The following TRIP12 variants were observed in gnomAD, a reference collection of about 807,000 sequenced individuals.
TRIP12 encodes E3 ubiquitin-protein ligase TRIP12.
Under a neutral mutation model 244.2 loss-of-function variants are expected in TRIP12, and 25 were observed. The observed-to-expected ratio is 0.10, with a 90% CI of 0.07 to 0.14. TRIP12 has a LOEUF of 0.14. Ranked by LOEUF, TRIP12 falls within the 10% of genes least tolerant of loss-of-function variation. The pLI is 1.00. For synonymous variants in TRIP12, 905 were observed against 873.1 expected (o/e 1.04, Z -0.64); for missense variants, 1,677 against 2,486.4 (o/e 0.67, Z 6.92).
At chr2:229,913,191 T>C (rs1472675424) in intron 1 of TRIP12, among the ~76,000 whole-genome samples, 3 of 152,210 alleles carry the variant, frequency 2.0e-5, no homozygotes, top group African/African-American at 7.2e-5. Context: ...TTATTTAGTA[T>C]AGCCACAAAT....
Position 229,799,432 on chromosome 2 carries a change from T to A in TRIP12, c.3207-49A>T, listed in dbSNP as rs766545172. 2.0e-6 allele frequency: 3 copies of A among 1,521,368 alleles called. No homozygotes were observed. The South Asian group carries it at 3.4e-5, about 17-fold the overall frequency. The allele number at this position is 1,521,368 out of a possible 1,614,324, so 94.2% of individuals were successfully genotyped here. ...AAGTTTAGCAATTACCACTGTTTTA[T>A]ATCTTCACTCACTGAAAAAGCAAAC... On this transcript the variant is annotated intron_variant, in intron 21 of 41. Coordinates refer to ENST00000675903, the MANE Select transcript of TRIP12 (RefSeq NM_001348323.3).
chr2:229,877,443 GA>G lies in TRIP12; in HGVS notation c.98+2538del, dbSNP rs2063811548. Among the ~76,000 whole-genome samples the G allele has an allele frequency of 2.0e-5, 3 of 152,164 alleles. No homozygotes were observed. In the South Asian group the frequency reaches 6.2e-4, roughly 32 times the overall value. Reference sequence around the variant, plus strand: ...TACTACTTGGGAGGCTGAGGCAGGAGAATCACTTGAACCCAGAGGGCAGAGG... The same window carrying G: ...TACTACTTGGGAGGCTGAGGCAGGAGATCACTTGAACCCAGAGGGCAGAGG... On this transcript the variant is annotated intron_variant, in intron 2 of 41. Coordinates refer to ENST00000675903, the MANE Select transcript of TRIP12 (RefSeq NM_001348323.3).
At chr2:229,914,199 T>C (rs1337560652) in intron 1 of TRIP12, among the ~76,000 whole-genome samples, 8 of 151,998 alleles carry the variant, frequency 5.3e-5, no homozygotes, top group Admixed American at 4.6e-4. Flanking sequence ...AGCAAAACTC[T>C]GCCTCAAAAA....
At chr2:229,856,688 GGACT>G (rs1218782614) in intron 4 of TRIP12, among the ~76,000 whole-genome samples, 2 of 152,090 alleles carry the variant, frequency 1.3e-5, no homozygotes, top group African/African-American at 4.8e-5. Context: ...TTACATAGCA[GGACT>G]GACAGACACA....
At chr2:229,872,564 C>T (rs929832161) in intron 2 of TRIP12, among the ~76,000 whole-genome samples, 13 of 149,560 alleles carry the variant, frequency 8.7e-5, no homozygotes, top group Admixed American at 7.3e-4. Context: ...ACTCTGTCTC[C>T]AAAAAAAATA....
At chr2:229,872,104 T>TAAAAAAAAAA (rs34496202) in intron 2 of TRIP12, among the ~76,000 whole-genome samples, 13 of 105,262 alleles carry the variant, frequency 1.2e-4, no homozygotes, top group Admixed American at 2.2e-4. Context: ...ACAGATATTG[T>TAAAAAAAAAA]AAAAAAAAAA....
chr2:229,889,416 A>C (rs1320090596), intron 1 of TRIP12, among the ~76,000 whole-genome samples: 1 of 152,220 alleles, frequency 6.6e-6, no homozygotes, highest in Non-Finnish European at 1.5e-5. Flanking sequence ...TGGCTTGTAT[A>C]ATCCATTAGA....
chr2:229,795,002 AATTT>A, intron 26 of TRIP12, 173 bp downstream of exon 26: 3 of 610,250 alleles, frequency 4.9e-6, no homozygotes, highest in Non-Finnish European at 7.9e-6. Flanking sequence ...CATATGGTAT[AATTT>A]TAAAGATAAG....
chr2:229,779,253 G>A (rs1422076045), intron 34 of TRIP12, among the ~76,000 whole-genome samples: 1 of 151,964 alleles, frequency 6.6e-6, no homozygotes, highest in Non-Finnish European at 1.5e-5. Context: ...GTGCCACTGT[G>A]GCTACATATC....
At chr2:229,780,909 CAA>C (rs887019528) in intron 34 of TRIP12, among the ~76,000 whole-genome samples, 6 of 152,082 alleles carry the variant, frequency 3.9e-5, no homozygotes, top group African/African-American at 1.2e-4. Context: ...GCCTGAGGAA[CAA>C]AAGAGAAGCA....
rs73099278 is a variant in TRIP12, at chr2:229,809,233, T to C, written c.2222-864A>G. ...GAATTTCACAATTAGTGATTAAGAT[T>C]TTTTTTTTAATTACAGTTTTGCAAC... On this transcript the variant is annotated intron_variant, in intron 15 of 41. Coordinates refer to ENST00000675903, the MANE Select transcript of TRIP12 (RefSeq NM_001348323.3). Among the ~76,000 whole-genome samples, 677 of 151,692 alleles carry C rather than the reference T, an allele frequency of 4.5e-3. 6 individuals are homozygous for C. Among genetic ancestry groups the C allele is most frequent in the African/African-American group, 0.016 (656 of 41,438 alleles).
intron 39 of TRIP12, among the ~76,000 whole-genome samples, chr2:229,771,115 TTTGA>T (rs1256790207): frequency 1.3e-5 from 2 of 152,234 alleles, no homozygotes; most frequent in Non-Finnish European, 2.9e-5. Flanking sequence ...AAGGACTAAC[TTTGA>T]TTGTGAAACA....
chr2:229,835,612 T>C (rs1336853361), intron 6 of TRIP12, among the ~76,000 whole-genome samples: 1 of 152,208 alleles, frequency 6.6e-6, no homozygotes, highest in Admixed American at 6.5e-5. Flanking sequence ...AGCAGGTTGT[T>C]TGGAATATTA....
chr2:229,896,638 C>T lies in TRIP12; in HGVS notation c.-49-16510G>A, dbSNP rs2068915549. On this transcript the variant is annotated intron_variant, in intron 1 of 41. Transcript: ENST00000675903. ...AAAATAATAAAATAATAATAATAAA[C>T]TATTATGAAGGCAACAAATCAGAAA... Among the ~76,000 whole-genome samples, 3 of 152,158 alleles carry T rather than the reference C, an allele frequency of 2.0e-5. No individual in the cohort carries two copies. In the South Asian group the frequency reaches 6.2e-4, roughly 32 times the overall value.
chr2:229,864,097 CAT>C (rs1349913905), intron 2 of TRIP12, among the ~76,000 whole-genome samples: 79 of 150,086 alleles, frequency 5.3e-4, no homozygotes, highest in African/African-American at 1.7e-3. Context: ...CACGTGCACA[CAT>C]GTGTTCAGGA....
chr2:229,844,562 A>G (rs764466083), intron 4 of TRIP12, among the ~76,000 whole-genome samples: 6 of 152,234 alleles, frequency 3.9e-5, no homozygotes, highest in Non-Finnish European at 8.8e-5. Flanking sequence ...ATCAAAATAT[A>G]GTCTCCCCCA....
At chr2:229,906,912 T>C (rs2073020492) in intron 1 of TRIP12, among the ~76,000 whole-genome samples, 1 of 152,112 alleles carries the variant, frequency 6.6e-6, no homozygotes, top group South Asian at 2.1e-4. Context: ...ACACTGACCT[T>C]ATTTATTTGA....
intron 21 of TRIP12, among the ~76,000 whole-genome samples, chr2:229,801,248 G>A (rs1355264453): frequency 6.6e-6 from 1 of 152,186 alleles, no homozygotes; most frequent in Non-Finnish European, 1.5e-5. Flanking sequence ...GTTAAACTCA[G>A]CAGTTTCCTA....
chr2:229,778,402 A>G lies in TRIP12; in HGVS notation c.5364+31T>C, dbSNP rs773596614. ...ACTTGCACAGAACATTCTACACCAA[A>G]ACTGCAAAAAGCAAACCATCCTAAA... On this transcript the variant is annotated intron_variant, in intron 36 of 41. Transcript: ENST00000675903. This position sits in a 1 kb window ranked among gnomAD's most constrained non-coding sequence, Gnocchi z 4.1. 5 of 1,612,944 alleles carry G rather than the reference A, an allele frequency of 3.1e-6. No homozygotes were observed. The highest frequency in any genetic ancestry group is 4.2e-6 in the Non-Finnish European group (5 of 1,179,162).
Sources: gnomAD v4.1 joint callset for allele counts (sites outside exome capture counted in the v4.1 genomes callset) on GRCh38, gnomAD v4.1.1 for gene constraint, Gnocchi (gnomAD v3.1) non-coding constraint, MANE v1.5 for transcripts, NCBI Gene and HGNC (gene_info 2026-07-23, HGNC 2026-07-21) for gene names.